Variants in LRP1B observed in about 807,000 individuals in gnomAD.
LRP1B encodes LDL receptor related protein 1B.
LRP1B carries 217 observed loss-of-function variants against 556.6 expected under a neutral mutation model. The observed-to-expected ratio is 0.39, with a 90% CI of 0.35 to 0.44. LRP1B has a LOEUF of 0.44. Ranked by LOEUF, LRP1B falls within the 20% of genes least tolerant of loss-of-function variation. LRP1B has a pLI of 1.00. For missense variants in LRP1B, 5,053 were observed against 5,620.8 expected (o/e 0.90, Z 3.23); for synonymous variants, 2,047 against 1,865.8 (o/e 1.10, Z -2.50).
intron 7 of LRP1B, among the ~76,000 whole-genome samples, chr2:141,159,530 C>A (rs1427691649): frequency 6.6e-6 from 1 of 152,054 alleles, no homozygotes; most frequent in East Asian, 1.9e-4. Context: ...CTGCACCCAG[C>A]TCAGGGCCGT....
intron 11 of LRP1B, among the ~76,000 whole-genome samples, chr2:141,034,754 T>C (rs1418734616): frequency 6.7e-6 from 1 of 148,868 alleles, no homozygotes; most frequent in Non-Finnish European, 1.5e-5. Flanking sequence ...TTTACACTGT[T>C]GGTGGGACTG....
chr2:140,442,472 G>C (rs2105300992), intron 66 of LRP1B, 32 bp downstream of exon 66: 3 of 1,596,290 alleles, frequency 1.9e-6, no homozygotes, highest in Admixed American at 1.8e-5. Context: ...CTCAAATACG[G>C]AGAGATAAGA....
At chr2:141,254,760 T>C in intron 3 of LRP1B, 119 bp from the exon 4 acceptor site, 1 of 698,750 alleles carries the variant, frequency 1.4e-6, no homozygotes, top group South Asian at 2.5e-5. Context: ...GTTTATATGA[T>C]TGGTCTAGAA....
chr2:140,650,427 C>T (rs1684641312), intron 41 of LRP1B, among the ~76,000 whole-genome samples: 2 of 151,766 alleles, frequency 1.3e-5, no homozygotes, highest in Non-Finnish European at 2.9e-5. Context: ...CGGCTCACTG[C>T]AACCTCCGCT....
chr2:140,530,866 A>C (rs1414077263), intron 47 of LRP1B, among the ~76,000 whole-genome samples: 1 of 152,260 alleles, frequency 6.6e-6, no homozygotes. Context: ...CAAGAGTATG[A>C]CTGAGATAGT....
At chr2:141,748,507 C>A (rs897238637) in intron 2 of LRP1B, among the ~76,000 whole-genome samples, 3 of 152,172 alleles carry the variant, frequency 2.0e-5, no homozygotes, top group African/African-American at 4.8e-5. Flanking sequence ...TGCCTCTGGG[C>A]AAGGCACTAC....
At chr2:141,314,887 C>G (rs1359186186) in intron 3 of LRP1B, among the ~76,000 whole-genome samples, 2 of 134,288 alleles carry the variant, frequency 1.5e-5, no homozygotes, top group East Asian at 4.2e-4. Context: ...TACATATATA[C>G]ATATATACAT....
chr2:141,725,298 A>AAC (rs1232744454), intron 2 of LRP1B, among the ~76,000 whole-genome samples: 1 of 151,920 alleles, frequency 6.6e-6, no homozygotes, highest in Non-Finnish European at 1.5e-5. Context: ...TTCAAAAATA[A>AAC]ACTCGACTTC....
intron 2 of LRP1B, among the ~76,000 whole-genome samples, chr2:141,636,843 C>A (rs1362862947): frequency 6.6e-6 from 1 of 151,804 alleles, no homozygotes; most frequent in Non-Finnish European, 1.5e-5. Context: ...CATCACAGAA[C>A]AATACATATG....
At chr2:141,654,146 T>C (rs746840848) in intron 2 of LRP1B, among the ~76,000 whole-genome samples, 1 of 152,154 alleles carries the variant, frequency 6.6e-6, no homozygotes, top group Non-Finnish European at 1.5e-5. Flanking sequence ...AAGATGAAGC[T>C]AGAGTGGGTC....
intron 20 of LRP1B, among the ~76,000 whole-genome samples, chr2:140,934,244 C>A (rs943355529): frequency 6.6e-6 from 1 of 151,840 alleles, no homozygotes; most frequent in East Asian, 1.9e-4. Flanking sequence ...GAGTCTATAA[C>A]ACATAATTTG....
intron 41 of LRP1B, among the ~76,000 whole-genome samples, chr2:140,609,387 T>C (rs969217982): frequency 6.6e-6 from 1 of 152,200 alleles, no homozygotes; most frequent in Non-Finnish European, 1.5e-5. Flanking sequence ...CTCTCTCTTA[T>C]GTGAAACTTC....
intron 3 of LRP1B, among the ~76,000 whole-genome samples, chr2:141,439,091 C>T (rs923724805): frequency 1.3e-5 from 2 of 151,996 alleles, no homozygotes; most frequent in African/African-American, 2.4e-5. Context: ...TGAAAAACAA[C>T]CCATACAGCA....
intron 2 of LRP1B, among the ~76,000 whole-genome samples, chr2:141,609,142 A>G (rs747661463): frequency 6.6e-6 from 1 of 152,208 alleles, no homozygotes; most frequent in Non-Finnish European, 1.5e-5. Context: ...CAACAAAACA[A>G]TAAATAAAAC....
At chr2:140,483,615 C>CAT (rs201503377) in intron 59 of LRP1B, among the ~76,000 whole-genome samples, 17 of 88,348 alleles carry the variant, frequency 1.9e-4, no homozygotes, top group East Asian at 5.1e-4. Context: ...CACACACACA[C>CAT]ATATATATAT....
intron 41 of LRP1B, among the ~76,000 whole-genome samples, chr2:140,680,752 G>A (rs77770494): frequency 0.014 from 2,193 of 152,190 alleles, 33 homozygotes; most frequent in South Asian, 0.032. Context: ...TGAACATTAC[G>A]TTTGTGAGGA....
chr2:140,720,542 T>G (rs1345579032), intron 35 of LRP1B, among the ~76,000 whole-genome samples: 1 of 152,100 alleles, frequency 6.6e-6, no homozygotes, highest in Non-Finnish European at 1.5e-5. Flanking sequence ...AGGAAAGACC[T>G]TTTGACAATG....
intron 2 of LRP1B, among the ~76,000 whole-genome samples, chr2:141,717,923 G>T (rs1692667814): frequency 6.6e-6 from 1 of 152,202 alleles, no homozygotes; most frequent in Non-Finnish European, 1.5e-5. Context: ...GTGTAGCTGA[G>T]AGTAGAGAAG....
chr2:141,327,029 C>G (rs533764119), intron 3 of LRP1B, among the ~76,000 whole-genome samples: 3 of 152,058 alleles, frequency 2.0e-5, no homozygotes, highest in African/African-American at 7.2e-5. Flanking sequence ...AAGGAGCTAA[C>G]AATGAGAGAT....
Sources: allele counts gnomAD v4.1 joint callset (sites outside exome capture counted in the v4.1 genomes callset), GRCh38; gene constraint gnomAD v4.1.1; transcripts MANE v1.5; gene names NCBI Gene and HGNC (gene_info 2026-07-23, HGNC 2026-07-21).